The following NAALADL2 variants were observed in gnomAD, a reference collection of about 807,000 sequenced individuals.
NAALADL2 encodes the protein N-acetylated alpha-linked acidic dipeptidase like 2.
A neutral mutation model predicts 87.2 loss-of-function variants in NAALADL2; 76 were observed. The ratio of observed to expected loss-of-function variants is 0.87; its 90% CI spans 0.72 to 1.05. The LOEUF is 1.05. NAALADL2 is among the 50% of genes least tolerant of loss of function. The pLI is 0.00. For missense variants in NAALADL2, 1,089 were observed against 945.8 expected (o/e 1.15, Z -1.99); for synonymous variants, 354 against 331.0 (o/e 1.07, Z -0.75).
Position 175,697,930 on chromosome 3 carries a change from CAT to C in NAALADL2, c.1897-39369_1897-39368del, listed in dbSNP as rs1322559959. On this transcript the variant is annotated intron_variant, in intron 11 of 13. Transcript: ENST00000454872. ...ATATATGTGTATATATGTATGTATA[CAT>C]ATATATGTGTATATATGTATGTATA... is the stretch of plus-strand genomic sequence containing the variant. Among the ~76,000 whole-genome samples, 5 of 18,536 alleles carry C rather than the reference CAT, an allele frequency of 2.7e-4. 1 individual carries two copies. Among genetic ancestry groups the C allele is most frequent in the African/African-American group, 1.0e-3 (4 of 3,916 alleles). 12.2% of individuals were successfully genotyped at this position (18,536 alleles called of 152,430 possible). A position where few individuals can be genotyped will look rare whatever the true frequency, so the allele number is the denominator to read the frequency against.
At chr3:175,710,608 A>C (rs978519169) in intron 11 of NAALADL2, among the ~76,000 whole-genome samples, 32 of 151,396 alleles carry the variant, frequency 2.1e-4, no homozygotes, top group African/African-American at 7.5e-4. Flanking sequence ...ACACATATAT[A>C]GGCACATATA....
At chr3:175,387,876 T>A (rs1230407402) in intron 5 of NAALADL2, among the ~76,000 whole-genome samples, 7 of 152,112 alleles carry the variant, frequency 4.6e-5, no homozygotes, top group African/African-American at 7.2e-5. Context: ...CTCAACTCTA[T>A]GAAGAAAGTA....
chr3:174,844,838 T>TG, intron 3 of NAALADL2, among the ~76,000 whole-genome samples: 1 of 127,224 alleles, frequency 7.9e-6, no homozygotes, highest in Non-Finnish European at 1.6e-5. Flanking sequence ...TCTAATGGTT[T>TG]TTTTTTTTTT....
chr3:174,797,305 CTT>C (rs1160338109), intron 3 of NAALADL2, among the ~76,000 whole-genome samples: 684 of 72,588 alleles, frequency 9.4e-3, no homozygotes, highest in Middle Eastern at 0.02. Context: ...TTTCTTTTTT[CTT>C]TTTTTTTTTT....
chr3:174,694,200 A>T (rs967251998), intron 2 of NAALADL2, among the ~76,000 whole-genome samples: 1 of 152,062 alleles, frequency 6.6e-6, no homozygotes, highest in African/African-American at 2.4e-5. Context: ...ATTGAGTCAG[A>T]ATTAGAGACC....
chr3:174,852,913 C>T (rs1725413934), intron 3 of NAALADL2, among the ~76,000 whole-genome samples: 1 of 151,990 alleles, frequency 6.6e-6, no homozygotes, highest in Non-Finnish European at 1.5e-5. Flanking sequence ...CATACATATA[C>T]CACAAACTGA....
At chr3:175,452,657 C>T (rs995908997) in intron 6 of NAALADL2, among the ~76,000 whole-genome samples, 3 of 152,148 alleles carry the variant, frequency 2.0e-5, no homozygotes, top group African/African-American at 7.2e-5. Context: ...GCCAGATCAA[C>T]TGTCTTCAAG....
intron 5 of NAALADL2, among the ~76,000 whole-genome samples, chr3:175,344,367 A>G (rs1762915057): frequency 6.6e-6 from 1 of 151,618 alleles, no homozygotes; most frequent in African/African-American, 2.4e-5. Context: ...GTAGAAGTAG[A>G]CTACCACTAC....
intron 3 of NAALADL2, among the ~76,000 whole-genome samples, chr3:174,752,584 G>T (rs568372210): frequency 1.3e-5 from 2 of 151,068 alleles, no homozygotes; most frequent in Non-Finnish European, 3.0e-5. Context: ...ATAGGCCAGT[G>T]ATTTTTTTTT....
chr3:174,946,775 A>C (rs1036474402), intron 1 of NAALADL2, among the ~76,000 whole-genome samples: 4 of 152,162 alleles, frequency 2.6e-5, no homozygotes, highest in Non-Finnish European at 5.9e-5. Flanking sequence ...TTAGGAGTAT[A>C]CTTAGGTCTC....
chr3:175,556,705 A>T (rs1041981983), intron 9 of NAALADL2, among the ~76,000 whole-genome samples: 1 of 152,182 alleles, frequency 6.6e-6, no homozygotes, highest in African/African-American at 2.4e-5. Context: ...AAAAAGTCTC[A>T]TTTCTCTGAA....
At chr3:174,900,225 T>C (rs572198517) in intron 1 of NAALADL2, among the ~76,000 whole-genome samples, 17 of 152,038 alleles carry the variant, frequency 1.1e-4, no homozygotes, top group Non-Finnish European at 2.2e-4. Context: ...GCTTTTATTA[T>C]AGATAAAATG....
chr3:175,424,737 T>C (rs570588424), intron 5 of NAALADL2, among the ~76,000 whole-genome samples: 1 of 152,316 alleles, frequency 6.6e-6, no homozygotes, highest in South Asian at 2.1e-4. Context: ...GGCTTTGTTC[T>C]TTTGGGAATT....
chr3:175,201,793 GA>G (rs149252405), intron 2 of NAALADL2, among the ~76,000 whole-genome samples: 1,481 of 137,726 alleles, frequency 0.011, 19 homozygotes, highest in African/African-American at 0.036. Flanking sequence ...TACTTATTTG[GA>G]AAAAAAAAAA....
At chr3:175,142,868 C>A (rs887973006) in intron 2 of NAALADL2, among the ~76,000 whole-genome samples, 3 of 151,920 alleles carry the variant, frequency 2.0e-5, no homozygotes, top group Non-Finnish European at 4.4e-5. Flanking sequence ...ATTAGTATAT[C>A]TTTTCATTTA....
At position 175,802,066 on chromosome 3, in the gene NAALADL2, A is replaced by T. The variant is rs987321117; in HGVS notation, c.2190-939A>T. On this transcript the variant is annotated intron_variant, in intron 13 of 13. Coordinates refer to ENST00000454872, the MANE Select transcript of NAALADL2 (RefSeq NM_207015.3). ...TTGCCTCTATACTGTCTGTAGCTCC[A>T]CTCTCTCATCTGCCCTCCAAATATC... 1.2e-4 allele frequency among the ~76,000 whole-genome samples: 19 copies of T among 152,168 alleles called. 1 individual carries two copies. The highest frequency in any genetic ancestry group is 4.6e-4 in the African/African-American group (19 of 41,536).
intron 10 of NAALADL2, among the ~76,000 whole-genome samples, chr3:175,591,441 A>T (rs1721434818): frequency 6.7e-6 from 1 of 148,504 alleles, no homozygotes; most frequent in Non-Finnish European, 1.5e-5. Flanking sequence ...GTTAACAGAA[A>T]ATAATTTTTT....
chr3:174,909,453 T>C (rs900400716), intron 1 of NAALADL2, among the ~76,000 whole-genome samples: 1 of 152,118 alleles, frequency 6.6e-6, no homozygotes, highest in Non-Finnish European at 1.5e-5. Flanking sequence ...CTCATGATCA[T>C]ATATTTAACT....
chr3:174,541,857 C>T (rs996562333), intron 1 of NAALADL2, among the ~76,000 whole-genome samples: 5 of 152,130 alleles, frequency 3.3e-5, no homozygotes, highest in African/African-American at 1.2e-4. Flanking sequence ...GGATTCTTGG[C>T]TTCACTCAGG....
Sources: gnomAD v4.1 joint callset for allele counts (sites outside exome capture counted in the v4.1 genomes callset) on GRCh38, gnomAD v4.1.1 for gene constraint, MANE v1.5 for transcripts, NCBI Gene and HGNC (gene_info 2026-07-23, HGNC 2026-07-21) for gene names.